Variants in CCDC178 observed in about 807,000 individuals in gnomAD.
CCDC178 encodes coiled-coil domain-containing protein 178.
A neutral mutation model predicts 117.4 loss-of-function variants in CCDC178; 126 were observed. That is an observed-to-expected ratio of 1.07 (90% CI 0.93 to 1.24). The LOEUF is 1.24. Ranked by LOEUF, CCDC178 falls within the 50% of genes most tolerant of loss-of-function variation. The pLI, the probability that CCDC178 is intolerant of heterozygous loss-of-function variation, is 0.00. For synonymous variants in CCDC178, 283 were observed against 313.4 expected, an observed-to-expected ratio of 0.90 and a Z score of 1.02; for missense variants, 1,030 against 986.9, an observed-to-expected ratio of 1.04 and a Z score of -0.59.
At chr18:33,428,577 C>A (rs374772244) in intron 2 of CCDC178, among the ~76,000 whole-genome samples, 9 of 151,412 alleles carry the variant, frequency 5.9e-5, no homozygotes, top group African/African-American at 2.2e-4. Flanking sequence ...ACTAAAAATA[C>A]CAAAATTAGC....
At chr18:33,143,901 A>G (rs1228746451) in intron 20 of CCDC178, among the ~76,000 whole-genome samples, 1 of 152,112 alleles carries the variant, frequency 6.6e-6, no homozygotes, top group Non-Finnish European at 1.5e-5. Flanking sequence ...ATTAGGGCTT[A>G]GTAGAAAGGA....
chr18:33,137,464 A>G (rs1370028136), intron 20 of CCDC178, among the ~76,000 whole-genome samples: 2 of 152,184 alleles, frequency 1.3e-5, no homozygotes, highest in Non-Finnish European at 2.9e-5. Context: ...AATTTCTACA[A>G]CTATTAGTTC....
chr18:33,176,710 C>T (rs189487625), intron 20 of CCDC178, among the ~76,000 whole-genome samples: 1 of 152,302 alleles, frequency 6.6e-6, no homozygotes, highest in Admixed American at 6.5e-5. Context: ...CTACAGTGTA[C>T]TGTCTTCAGT....
intron 20 of CCDC178, among the ~76,000 whole-genome samples, chr18:33,153,882 A>G (rs1598938391): frequency 6.6e-6 from 1 of 152,002 alleles, no homozygotes; most frequent in East Asian, 1.9e-4. Flanking sequence ...GTATGCATAT[A>G]TAAAAGTTAC....
chr18:33,015,102 A>G (rs2055953435), intron 21 of CCDC178, among the ~76,000 whole-genome samples: 1 of 151,758 alleles, frequency 6.6e-6, no homozygotes, highest in Admixed American at 6.6e-5. Context: ...CCAAAAATAC[A>G]AAAATTAGCC....
intron 2 of CCDC178, among the ~76,000 whole-genome samples, chr18:33,428,736 A>C (rs2064158708): frequency 6.7e-6 from 1 of 150,010 alleles, no homozygotes; most frequent in Admixed American, 6.6e-5. Flanking sequence ...GTCTCAAAAA[A>C]AAAAAAAAAA....
chr18:33,439,658 C>T (rs187664063), intron 2 of CCDC178, among the ~76,000 whole-genome samples: 14 of 152,252 alleles, frequency 9.2e-5, no homozygotes, highest in African/African-American at 3.4e-4. Context: ...GTTCTAAAAC[C>T]TATTACTACA....
At chr18:33,387,840 CA>C (rs768665217) in intron 5 of CCDC178, among the ~76,000 whole-genome samples, 26 of 152,094 alleles carry the variant, frequency 1.7e-4, no homozygotes, top group Non-Finnish European at 2.6e-4. Flanking sequence ...GCATTTGAAA[CA>C]AAAGCCAAAA....
At chr18:33,063,047 T>C (rs768668143) in intron 21 of CCDC178, among the ~76,000 whole-genome samples, 11 of 152,024 alleles carry the variant, frequency 7.2e-5, no homozygotes, top group South Asian at 2.1e-4. Flanking sequence ...CACAACCCCT[T>C]CCAGCGGCAT....
At chr18:33,251,422 G>T (rs923957551) in intron 14 of CCDC178, among the ~76,000 whole-genome samples, 1 of 151,614 alleles carries the variant, frequency 6.6e-6, no homozygotes, top group African/African-American at 2.4e-5. Flanking sequence ...CAGAAAAGTG[G>T]AATTGTCTAG....
Position 33,370,157 on chromosome 18 carries a change from ATGGG to A in CCDC178, c.237_240del (p.Pro80ValfsTer8). Reference sequence around the variant, plus strand: ...ACTACGGCACAGCTGTGACGTCGACATGGGTAGCTAAAGTAAATGCCTTTATTCA... The same window carrying A: ...ACTACGGCACAGCTGTGACGTCGACATAGCTAAAGTAAATGCCTTTATTCA... On this transcript the variant is annotated frameshift_variant, in exon 6 of 23. Coordinates refer to ENST00000383096, the MANE Select transcript of CCDC178 (RefSeq NM_001105528.4). LOFTEE classifies it high-confidence loss of function. 2 of 1,604,638 alleles carry A rather than the reference ATGGG, an allele frequency of 1.2e-6. No individual in the cohort carries two copies. The highest frequency in any genetic ancestry group is 1.7e-6 in the Non-Finnish European group (2 of 1,175,926).
intron 6 of CCDC178, among the ~76,000 whole-genome samples, chr18:33,361,299 T>C (rs1000337207): frequency 2.0e-5 from 3 of 151,678 alleles, no homozygotes; most frequent in Admixed American, 1.3e-4. Context: ...ACCAACAGAA[T>C]GAAATTGGCT....
chr18:32,987,107 AT>A (rs1054830554), intron 21 of CCDC178, among the ~76,000 whole-genome samples: 12 of 151,962 alleles, frequency 7.9e-5, no homozygotes, highest in Admixed American at 4.6e-4. Context: ...GTAGAAAAAA[AT>A]ATAACAATTA....
intron 4 of CCDC178, among the ~76,000 whole-genome samples, chr18:33,392,637 C>A (rs1273740711): frequency 6.6e-6 from 1 of 152,078 alleles, no homozygotes; most frequent in African/African-American, 2.4e-5. Flanking sequence ...AAGTCAGATA[C>A]TGACACGAAA....
chr18:33,433,098 T>C (rs1568224339), intron 2 of CCDC178, among the ~76,000 whole-genome samples: 1 of 152,174 alleles, frequency 6.6e-6, no homozygotes, highest in Non-Finnish European at 1.5e-5. Context: ...TTATAAACCT[T>C]GTAGGGTTTA....
chr18:33,434,238 A>G (rs1338984715), intron 2 of CCDC178, among the ~76,000 whole-genome samples: 1 of 152,156 alleles, frequency 6.6e-6, no homozygotes, highest in Non-Finnish European at 1.5e-5. Context: ...TAGTGAAATA[A>G]CAGACAAATA....
At chr18:33,078,460 G>A (rs918442499) in intron 21 of CCDC178, among the ~76,000 whole-genome samples, 1 of 152,044 alleles carries the variant, frequency 6.6e-6, no homozygotes, top group African/African-American at 2.4e-5. Flanking sequence ...ATAAATAAAG[G>A]GCATCAAACT....
chr18:33,014,029 A>T (rs766877252), intron 21 of CCDC178, among the ~76,000 whole-genome samples: 1 of 152,238 alleles, frequency 6.6e-6, no homozygotes, highest in Non-Finnish European at 1.5e-5. Flanking sequence ...CAGTCTGAAA[A>T]GTATTCAAGG....
At chr18:32,998,404 T>C (rs975507542) in intron 21 of CCDC178, among the ~76,000 whole-genome samples, 2 of 152,120 alleles carry the variant, frequency 1.3e-5, no homozygotes, top group African/African-American at 4.8e-5. Context: ...GTCTAGGCCA[T>C]GAGGACTGTA....
Sources: gnomAD v4.1 joint callset for allele counts (sites outside exome capture counted in the v4.1 genomes callset) on GRCh38, gnomAD v4.1.1 for gene constraint, MANE v1.5 for transcripts, NCBI Gene and HGNC (gene_info 2026-07-23, HGNC 2026-07-21) for gene names.